DAB1: variants seen among roughly 807,000 people sequenced by gnomAD.
DAB1 encodes disabled homolog 1.
In DAB1, 15 loss-of-function variants were observed where a neutral mutation model predicts 64.6. The observed-to-expected ratio is 0.23, with a 90% CI of 0.16 to 0.36. The LOEUF is 0.36. Ranked by LOEUF, DAB1 falls within the 10% of genes least tolerant of loss-of-function variation. The pLI is 1.00. For missense variants in DAB1, 596 were observed against 706.7 expected (o/e 0.84, Z 1.78); for synonymous variants, 235 against 251.9 (o/e 0.93, Z 0.64).
chr1:58,300,639 AGAGAGAGAGGAAGGAAGGAAGGAAGG>A (rs1387049867), intron 4 of DAB1, among the ~76,000 whole-genome samples: 8 of 59,744 alleles, frequency 1.3e-4, no homozygotes, highest in East Asian at 1.2e-3. Context: ...AGAGAGAGAG[AGAGAGAGAGGAAGGAAGGAAGGAAGG>A]AAGGAAGGAA....
chr1:58,137,061 G>A (rs1225552060), intron 5 of DAB1, among the ~76,000 whole-genome samples: 7 of 151,784 alleles, frequency 4.6e-5, no homozygotes, highest in Non-Finnish European at 1.0e-4. Flanking sequence ...GTCAGGAAGT[G>A]TGTGTGTTTC....
chr1:57,133,507 T>G (rs1657809029), intron 4 of DAB1, among the ~76,000 whole-genome samples: 1 of 152,138 alleles, frequency 6.6e-6, no homozygotes. Flanking sequence ...CATGATATAT[T>G]AGCAATATCT....
intron 7 of DAB1, among the ~76,000 whole-genome samples, chr1:57,559,845 T>C (rs1645031030): frequency 1.3e-5 from 2 of 152,290 alleles, no homozygotes; most frequent in African/African-American, 4.8e-5. Flanking sequence ...TCAAAAATAA[T>C]ATCGCATCCT....
chr1:58,358,095 A>T (rs1263239070), intron 3 of DAB1, among the ~76,000 whole-genome samples: 2 of 152,208 alleles, frequency 1.3e-5, no homozygotes, highest in Admixed American at 1.3e-4. Context: ...AGAAATATCC[A>T]GATTAGAAAT....
At chr1:57,539,573 A>G (rs897939813) in intron 7 of DAB1, among the ~76,000 whole-genome samples, 1 of 152,244 alleles carries the variant, frequency 6.6e-6, no homozygotes, top group African/African-American at 2.4e-5. Context: ...TCCAGAGGAC[A>G]GAATGCTGAG....
chr1:57,620,807 A>C, intron 7 of DAB1, among the ~76,000 whole-genome samples: 1 of 152,274 alleles, frequency 6.6e-6, no homozygotes, highest in East Asian at 1.9e-4. Context: ...GTCTGGAAGC[A>C]GGGGGGCAGC....
intron 4 of DAB1, among the ~76,000 whole-genome samples, chr1:58,173,960 T>C (rs887392958): frequency 6.6e-6 from 1 of 152,182 alleles, no homozygotes; most frequent in Non-Finnish European, 1.5e-5. Context: ...GTTTATCTAC[T>C]TCATTATCCT....
intron 1 of DAB1, among the ~76,000 whole-genome samples, chr1:57,377,873 G>A (rs1681037278): frequency 6.6e-6 from 1 of 152,172 alleles, no homozygotes; most frequent in Non-Finnish European, 1.5e-5. Flanking sequence ...AGGGACAGGA[G>A]GAAGGAGCAG....
intron 9 of DAB1, among the ~76,000 whole-genome samples, chr1:57,036,558 T>C (rs992346082): frequency 1.3e-5 from 2 of 152,220 alleles, no homozygotes; most frequent in African/African-American, 4.8e-5. Context: ...TCTCTCCAAA[T>C]TGCTAAATCT....
intron 4 of DAB1, among the ~76,000 whole-genome samples, chr1:58,175,726 G>T (rs1018602846): frequency 7.2e-5 from 11 of 152,008 alleles, no homozygotes; most frequent in African/African-American, 2.7e-4. Context: ...CTTCAATTTT[G>T]CAGATGGATA....
At chr1:57,641,482 T>C (rs1207778877) in intron 7 of DAB1, among the ~76,000 whole-genome samples, 2 of 147,406 alleles carry the variant, frequency 1.4e-5, no homozygotes, top group African/African-American at 2.5e-5. Flanking sequence ...TGCTGGGGTT[T>C]ACGCCATTCT....
chr1:58,469,365 T>C (rs900774160), intron 3 of DAB1, among the ~76,000 whole-genome samples: 2 of 152,050 alleles, frequency 1.3e-5, no homozygotes, highest in African/African-American at 4.8e-5. Flanking sequence ...AAAAACATGA[T>C]GTAAGCATAG....
At position 57,294,805 on chromosome 1, in the gene DAB1, C is replaced by T. The variant is rs540721247; in HGVS notation, c.-136-3639G>A. Among the ~76,000 whole-genome samples, 33 of 152,258 alleles carry T rather than the reference C, an allele frequency of 2.2e-4. 1 individual carries two copies. In the South Asian group the frequency reaches 5.8e-3, roughly 27 times the overall value. On this transcript the variant is annotated intron_variant, in intron 1 of 14. Transcript: ENST00000371236. ...AGCACAAGGCAAGTTACAAGACACTCGTCTCTCCAACTTCACTCAAAGCCC... is the reference window on the plus strand; with the variant it reads ...AGCACAAGGCAAGTTACAAGACACTTGTCTCTCCAACTTCACTCAAAGCCC...
intron 4 of DAB1, among the ~76,000 whole-genome samples, chr1:58,308,576 A>G (rs1004762475): frequency 6.6e-6 from 1 of 152,120 alleles, no homozygotes; most frequent in African/African-American, 2.4e-5. Flanking sequence ...TCAAGCAGAA[A>G]GGGTTTAAGT....
chr1:57,892,237 C>T (rs751876939), intron 5 of DAB1, among the ~76,000 whole-genome samples: 10 of 152,204 alleles, frequency 6.6e-5, no homozygotes, highest in Non-Finnish European at 1.3e-4. Context: ...CAGGACCTAT[C>T]AATCACAGCG....
chr1:58,468,874 T>C (rs822062), intron 3 of DAB1: 108,537 of 211,900 alleles, frequency 0.51, 28,100 homozygotes, highest in Non-Finnish European at 0.54. Context: ...TTGTCAGTCA[T>C]GCATGCCACA....
At chr1:58,133,221 AC>A (rs2100700274) in intron 5 of DAB1, among the ~76,000 whole-genome samples, 1 of 152,226 alleles carries the variant, frequency 6.6e-6, no homozygotes, top group African/African-American at 2.4e-5. Flanking sequence ...TGCATCTTAT[AC>A]CCCTGCCTAG....
chr1:58,393,857 A>G (rs1644496806), intron 3 of DAB1, among the ~76,000 whole-genome samples: 1 of 152,198 alleles, frequency 6.6e-6, no homozygotes, highest in African/African-American at 2.4e-5. Flanking sequence ...CAAATTGCTA[A>G]AAGAGTAGAT....
intron 7 of DAB1, among the ~76,000 whole-genome samples, chr1:57,531,675 G>A (rs1353642372): frequency 1.3e-5 from 2 of 152,142 alleles, no homozygotes. Context: ...CAGAGAGGGA[G>A]GGAGGGCAAC....
Sources: allele counts gnomAD v4.1 joint callset (sites outside exome capture counted in the v4.1 genomes callset), GRCh38; gene constraint gnomAD v4.1.1; transcripts MANE v1.5; gene names NCBI Gene and HGNC (gene_info 2026-07-23, HGNC 2026-07-21).